Variants in ATP6V1H observed in about 807,000 individuals in gnomAD.
The protein encoded by ATP6V1H is ATPase H+ transporting V1 subunit H.
A neutral mutation model predicts 71.7 loss-of-function variants in ATP6V1H; 39 were observed. That is an observed-to-expected ratio of 0.54 (90% CI 0.42 to 0.71). ATP6V1H has a LOEUF of 0.71. Among genes scored for constraint, ATP6V1H ranks in the 30% least tolerant of loss-of-function variants. The pLI, the probability that ATP6V1H is intolerant of heterozygous loss-of-function variation, is 0.00. For missense variants in ATP6V1H, 509 were observed against 594.9 expected, an observed-to-expected ratio of 0.86 and a Z score of 1.50; for synonymous variants, 192 against 199.3, an observed-to-expected ratio of 0.96 and a Z score of 0.31.
At chr8:53,730,499 C>A (rs372050484) in intron 13 of ATP6V1H, among the ~76,000 whole-genome samples, 28 of 152,184 alleles carry the variant, frequency 1.8e-4, no homozygotes, top group East Asian at 1.7e-3. Flanking sequence ...TTTAGATTAT[C>A]ATTTAAGAAT....
intron 9 of ATP6V1H, among the ~76,000 whole-genome samples, chr8:53,775,775 C>T (rs1208598113): frequency 2.0e-5 from 3 of 152,270 alleles, no homozygotes; most frequent in Non-Finnish European, 4.4e-5. Context: ...TGTTTACAAT[C>T]CCTAAGCTAG....
At chr8:53,726,664 C>A (rs1253055921) in intron 13 of ATP6V1H, among the ~76,000 whole-genome samples, 1 of 152,202 alleles carries the variant, frequency 6.6e-6, no homozygotes, top group Non-Finnish European at 1.5e-5. Context: ...TATCTCTAAA[C>A]AGGAGAACAT....
intron 13 of ATP6V1H, among the ~76,000 whole-genome samples, chr8:53,728,867 A>C (rs914337562): frequency 2.6e-5 from 4 of 152,346 alleles, no homozygotes; most frequent in Non-Finnish European, 4.4e-5. Flanking sequence ...CTATCTAAGC[A>C]TGCAACACAC....
chr8:53,814,671 C>T lies in ATP6V1H; in HGVS notation c.516G>A (p.Leu172=), dbSNP rs1216736502. 1.2e-6 allele frequency: 2 copies of T among 1,603,216 alleles called. No homozygotes were observed. Among genetic ancestry groups the T allele is most frequent in the Non-Finnish European group, 1.7e-6 (2 of 1,173,022 alleles). The change falls in exon 6 of 14, where the codon CTG becomes CTA. Residue 172 remains leucine, a synonymous_variant. Coordinates refer to ENST00000359530, the MANE Select transcript of ATP6V1H (RefSeq NM_015941.4). ...NYYFNWIKTQ[L]SSQKLRGSGV... ...AAAAATTTTCTTTTACCTGTGAACT[C>T]AGCTGAGTTTTTATCCAATTGAAAT...
chr8:53,743,816 G>A (rs1807501031), intron 12 of ATP6V1H, 126 bp from the exon 13 acceptor site: 1 of 609,178 alleles, frequency 1.6e-6, no homozygotes, highest in Admixed American at 3.2e-5. Flanking sequence ...AACCAAACGT[G>A]TCTTTTTTTA....
In ATP6V1H at chr8:53,811,164, A is replaced by C; in HGVS notation, c.579T>G (p.Asp193Glu). ...TAGGCCAGTGAAGGAATATACTTAC[A>C]TCACTTGAAGAGACTGTTCCTGTTT... ...AVETGTVSSS[D>E]SSQYVQCVAG... Residue 193 changes from aspartate to glutamate, a missense_variant and splice_region_variant, in exon 7 of 14, where the codon GAT becomes GAG. Asp to Glu is a conservative substitution (Grantham distance 45). This residue lies in a region of ATP6V1H where 297 missense variants were observed against 303.3 expected (regional missense o/e 0.98). Transcript: ENST00000359530. 3.7e-6 allele frequency: 6 copies of C among 1,612,200 alleles called. No homozygotes were observed. Among genetic ancestry groups the C allele is most frequent in the Non-Finnish European group, 5.1e-6 (6 of 1,178,464 alleles).
At chr8:53,833,329 G>T in intron 2 of ATP6V1H, 1 of 436,860 alleles carries the variant, frequency 2.3e-6, no homozygotes, top group East Asian at 4.1e-5. Context: ...TGCCTCTAAG[G>T]GGCTGTACTG....
At chr8:53,765,562 A>G (rs1409043704) in intron 11 of ATP6V1H, among the ~76,000 whole-genome samples, 1 of 152,066 alleles carries the variant, frequency 6.6e-6, no homozygotes, top group Admixed American at 6.5e-5. Context: ...ATACTTAGGT[A>G]TAAATGTAAC....
chr8:53,766,199 T>G (rs1808456959), intron 11 of ATP6V1H, among the ~76,000 whole-genome samples: 1 of 152,216 alleles, frequency 6.6e-6, no homozygotes, highest in Non-Finnish European at 1.5e-5. Context: ...TGTGAAGATT[T>G]TATGGACATT....
chr8:53,788,803 T>C (rs1809467634), intron 9 of ATP6V1H, among the ~76,000 whole-genome samples: 1 of 152,170 alleles, frequency 6.6e-6, no homozygotes, highest in Admixed American at 6.5e-5. Context: ...CTACTCTATT[T>C]CTCAGATTTC....
chr8:53,784,229 A>G lies in ATP6V1H; in HGVS notation c.870+11418T>C, dbSNP rs554210272. Among the ~76,000 whole-genome samples the G allele has an allele frequency of 2.2e-3, 337 of 152,270 alleles. 2 individuals carry two copies. Among genetic ancestry groups the G allele is most frequent in the African/African-American group, 7.9e-3 (327 of 41,548 alleles). The stretch of plus-strand genomic sequence containing the variant: ...GCTTTATGAATCTGGATGCTCCTGT[A>G]TTGGGTGCATATATATTTAGGATAG... On this transcript the variant is annotated intron_variant, in intron 9 of 13. Coordinates refer to ENST00000359530, the MANE Select transcript of ATP6V1H (RefSeq NM_015941.4).
At position 53,788,375 on chromosome 8, in the gene ATP6V1H, G is replaced by A. The variant is rs147354210; in HGVS notation, c.870+7272C>T. Among the ~76,000 whole-genome samples the A allele has an allele frequency of 2.2e-3, 338 of 152,206 alleles. 2 individuals are homozygous for A. The highest frequency in any genetic ancestry group is 7.9e-3 in the African/African-American group (327 of 41,538). On this transcript the variant is annotated intron_variant, in intron 9 of 13. Transcript: ENST00000359530. The stretch of plus-strand genomic sequence containing the variant: ...TTGAAATTATAAATATAGTTTAAAT[G>A]AGATTTTTAAATCTTGCTAAATATT...
chr8:53,770,584 T>C (rs1177258110), intron 10 of ATP6V1H, among the ~76,000 whole-genome samples: 1 of 152,220 alleles, frequency 6.6e-6, no homozygotes, highest in African/African-American at 2.4e-5. Flanking sequence ...GGCCAGTTAG[T>C]ATAAGAAGTA....
At chr8:53,823,945 T>C (rs895408310) in intron 4 of ATP6V1H, among the ~76,000 whole-genome samples, 5 of 145,956 alleles carry the variant, frequency 3.4e-5, no homozygotes, top group African/African-American at 5.1e-5. Context: ...AATATGAAAA[T>C]CCTGACTCTG....
At chr8:53,751,112 C>T (rs1585744818) in intron 12 of ATP6V1H, among the ~76,000 whole-genome samples, 1 of 150,200 alleles carries the variant, frequency 6.7e-6, no homozygotes, top group South Asian at 2.2e-4. Flanking sequence ...TTAGTCTGGG[C>T]ACTTACCCAC....
At chr8:53,788,291 C>T (rs1391226253) in intron 9 of ATP6V1H, among the ~76,000 whole-genome samples, 3 of 151,854 alleles carry the variant, frequency 2.0e-5, no homozygotes, top group Admixed American at 1.3e-4. Context: ...ATTCTGAAAC[C>T]CAAAATTAGA....
rs1808832495 is a variant in ATP6V1H, at chr8:53,775,338, C to T, written c.871-3171G>A. 2.0e-5 allele frequency among the ~76,000 whole-genome samples: 3 copies of T among 152,196 alleles called. No individual in the cohort carries two copies. In the South Asian group the frequency reaches 6.2e-4, roughly 32 times the overall value. On this transcript the variant is annotated intron_variant, in intron 9 of 13. Transcript: ENST00000359530. ...TATTGCAAAGAGCGAAAGAACACAG[C>T]TCCCACAGTGTGGAAGGGGACCGGA...
At chr8:53,730,234 T>C (rs1806971435) in intron 13 of ATP6V1H, among the ~76,000 whole-genome samples, 1 of 152,224 alleles carries the variant, frequency 6.6e-6, no homozygotes. Context: ...CCACCTGATA[T>C]CCTTGTCACA....
At chr8:53,840,042 T>TC (rs1811291441) in intron 2 of ATP6V1H, 1 of 455,062 alleles carries the variant, frequency 2.2e-6, no homozygotes, top group Admixed American at 6.4e-5. Flanking sequence ...TCTGTTCTAT[T>TC]CCCAAGGCTG....
Sources: gnomAD v4.1 joint callset for allele counts (sites outside exome capture counted in the v4.1 genomes callset) on GRCh38, gnomAD v4.1.1 for gene constraint, gnomAD v4.1.1 regional missense constraint, MANE v1.5 for transcripts, NCBI Gene and HGNC (gene_info 2026-07-23, HGNC 2026-07-21) for gene names.